Variants in LAMA4 observed in about 807,000 individuals in gnomAD.
LAMA4 encodes laminin subunit alpha-4.
A neutral mutation model predicts 207.1 loss-of-function variants in LAMA4; 127 were observed. That is an observed-to-expected ratio of 0.61 (90% CI 0.53 to 0.71). LAMA4 has a LOEUF of 0.71. Ranked by LOEUF, LAMA4 falls within the 30% of genes least tolerant of loss-of-function variation. The pLI is 0.00. For synonymous variants in LAMA4, 761 were observed against 816.0 expected, an observed-to-expected ratio of 0.93 and a Z score of 1.15; for missense variants, 2,093 against 2,246.5, an observed-to-expected ratio of 0.93 and a Z score of 1.38.
chr6:112,220,255 T>C lies in LAMA4; in HGVS notation c.196-3786A>G, dbSNP rs57489045. ...TTACAGCTCTTTATTATTAAGAGACTCCTATTATCACAGCTTGCCTCCTGC... is the reference window on the plus strand; with the variant it reads ...TTACAGCTCTTTATTATTAAGAGACCCCTATTATCACAGCTTGCCTCCTGC... On this transcript the variant is annotated intron_variant, in intron 2 of 38. Transcript: ENST00000230538. 7.8e-3 allele frequency among the ~76,000 whole-genome samples: 1,185 copies of C among 152,300 alleles called. 23 individuals are homozygous for C. The highest frequency in any genetic ancestry group is 0.026 in the African/African-American group (1,101 of 41,576).
Position 112,114,110 on chromosome 6 carries a change from A to T in LAMA4, c.5292T>A (p.Asp1764Glu). 6.2e-7 allele frequency: 1 copy of T among 1,613,974 alleles called. No individual in the cohort carries two copies. Among genetic ancestry groups the T allele is most frequent in the Non-Finnish European group, 8.5e-7 (1 of 1,179,876 alleles). ...VVGPLNPKPI[D>E]HREPVFVGGV... The stretch of plus-strand genomic sequence containing the variant: ...CTCCAACAAACACAGGCTCCCTGTG[A>T]TCAATTGGTTTTGGATTCAGGGGTC... Residue 1764 changes from aspartate (D) to glutamate (E), a missense_variant, in exon 38 of 39, where the codon GAT becomes GAA. This residue lies in a region of LAMA4 where 383 missense variants were observed against 437.8 expected (regional missense o/e 0.87). Transcript: ENST00000230538.
At position 112,131,913 on chromosome 6, in the gene LAMA4, C is replaced by A. The variant is rs188151391; in HGVS notation, c.3835-812G>T. Among the ~76,000 whole-genome samples, 7 of 152,244 alleles carry A rather than the reference C, an allele frequency of 4.6e-5. No individual in the cohort carries two copies. The East Asian group carries it at 1.4e-3, about 29-fold the overall frequency. The stretch of plus-strand genomic sequence containing the variant: ...CTTTTCAGAGACCCATCAGTTGGAT[C>A]TTACAGTCACCAATCCTCTACAGAC... On this transcript the variant is annotated intron_variant, in intron 28 of 38. Transcript: ENST00000230538.
At chr6:112,130,182 A>C (rs1778946386) in intron 29 of LAMA4, 142 bp from the exon 30 acceptor site, 1 of 704,456 alleles carries the variant, frequency 1.4e-6, no homozygotes, top group Non-Finnish European at 2.5e-6. Context: ...CAAACTCTTC[A>C]TGAGGCCCAG....
At chr6:112,148,440 G>T in intron 17 of LAMA4, 104 bp from the exon 18 acceptor site, 1 of 1,261,470 alleles carries the variant, frequency 7.9e-7, no homozygotes, top group Admixed American at 2.0e-5. Flanking sequence ...CTCACATTTT[G>T]GGCTCTTAAG....
chr6:112,164,425 C>T (rs1294363905), intron 13 of LAMA4, among the ~76,000 whole-genome samples: 1 of 151,868 alleles, frequency 6.6e-6, no homozygotes, highest in Admixed American at 6.6e-5. Flanking sequence ...TGGGTATGGC[C>T]ATAGGTGGGA....
chr6:112,178,330 G>T (rs1782144510), intron 9 of LAMA4, 98 bp from the exon 10 acceptor site: 1 of 826,982 alleles, frequency 1.2e-6, no homozygotes, highest in East Asian at 2.6e-5. Context: ...TTTCCTAAAC[G>T]TAAATCTTCC....
intron 30 of LAMA4, among the ~76,000 whole-genome samples, chr6:112,129,580 A>G (rs1457792782): frequency 1.3e-5 from 2 of 152,136 alleles, no homozygotes; most frequent in Admixed American, 6.5e-5. Context: ...AAGTTGCTTT[A>G]TGTGCATTAT....
In LAMA4 at chr6:112,155,316, T is replaced by TC. The variant is rs1439594170; in HGVS notation, c.1959+248dup. 10 of 572,388 alleles carry TC rather than the reference T, an allele frequency of 1.7e-5. No homozygotes were observed. The African/African-American group carries it at 1.9e-4, about 11-fold the overall frequency. The allele number at this position is 572,388 out of a possible 1,614,324, so 35.5% of individuals were successfully genotyped here. On this transcript the variant is annotated intron_variant, in intron 15 of 38. Transcript: ENST00000230538. ...TAATTTTAAATACATATTTTTTTTT[T>TC]CAGGGACTTTGGCTAAAAAAATAAA...
rs562879510 is a variant in LAMA4, at chr6:112,150,550, G to A, written c.2134C>T (p.Leu712Phe). Reference protein sequence around the residue: ...LARKSALKTRLSDAVKQLQAA... With the variant: ...LARKSALKTRFSDAVKQLQAA... ...TGTAGTTGCTTAACGGCATCACTGA[G>A]TCTGGTTTTAAGGGCACTTTTCCTT... Residue 712 changes from leucine to phenylalanine, a missense_variant, in exon 17 of 39, where the codon CTC becomes TTC. Transcript: ENST00000230538. 3.7e-6 allele frequency: 6 copies of A among 1,613,762 alleles called. No individual in the cohort carries two copies. In the South Asian group the frequency reaches 4.4e-5, roughly 12 times the overall value.
At chr6:112,204,438 C>A (rs1783933928) in intron 4 of LAMA4, among the ~76,000 whole-genome samples, 1 of 151,090 alleles carries the variant, frequency 6.6e-6, no homozygotes. Flanking sequence ...TAGAAAGAAC[C>A]ATCTGAGATT....
At position 112,190,932 on chromosome 6, in the gene LAMA4, TTTCTTTCTTTCTTTCC is replaced by T. The variant is rs1403098811; in HGVS notation, c.718+688_718+703del. On this transcript the variant is annotated intron_variant, in intron 6 of 38. Transcript: ENST00000230538. ...CTTTCTTTCTTTCTTTCTTTCTTTC[TTTCTTTCTTTCTTTCC>T]TTTCTTTCTTTCTTTCTTTCTTTCT... Among the ~76,000 whole-genome samples, 223 of 88,786 alleles carry T rather than the reference TTTCTTTCTTTCTTTCC, an allele frequency of 2.5e-3. 3 individuals are homozygous for T. The highest frequency in any genetic ancestry group is 0.016 in the South Asian group (35 of 2,168). 58.2% of individuals were successfully genotyped at this position (88,786 alleles called of 152,430 possible).
At chr6:112,144,461 T>G (rs1467320070) in intron 19 of LAMA4, among the ~76,000 whole-genome samples, 1 of 152,214 alleles carries the variant, frequency 6.6e-6, no homozygotes, top group African/African-American at 2.4e-5. Flanking sequence ...TTATTGAGGC[T>G]TTACTTCTTT....
chr6:112,164,022 C>G (rs552775718), intron 13 of LAMA4: 7 of 152,110 alleles, frequency 4.6e-5, no homozygotes, highest in Non-Finnish European at 1.0e-4. Flanking sequence ...GTTCTCTTCT[C>G]TTTGTTTCTA....
chr6:112,191,562 T>C (rs1202150315), intron 6 of LAMA4, 74 bp downstream of exon 6: 1 of 1,105,840 alleles, frequency 9.0e-7, no homozygotes, highest in East Asian at 2.4e-5. Context: ...CCAAGAGAAA[T>C]TCTTCATCTA....
intron 6 of LAMA4, among the ~76,000 whole-genome samples, chr6:112,190,939 CTTTCTTTCCTTTCTTT>C (rs1442844702): frequency 0.023 from 1,020 of 45,258 alleles, 5 homozygotes; most frequent in East Asian, 0.071. Context: ...TTCTTTCTTT[CTTTCTTTCCTTTCTTT>C]CTTTCTTTCT....
chr6:112,204,824 C>T (rs3777926), intron 4 of LAMA4, among the ~76,000 whole-genome samples: 10,215 of 152,210 alleles, frequency 0.067, 458 homozygotes, highest in South Asian at 0.11. Context: ...GTTATTAATA[C>T]TATCATACAT....
intron 16 of LAMA4, among the ~76,000 whole-genome samples, chr6:112,153,213 T>C (rs1214102518): frequency 6.6e-6 from 1 of 152,042 alleles, no homozygotes; most frequent in Non-Finnish European, 1.5e-5. Flanking sequence ...TGAAAGGAAT[T>C]TGGAATGGAG....
At chr6:112,234,795 A>G (rs1254834083) in intron 2 of LAMA4, 8 of 152,352 alleles carry the variant, frequency 5.3e-5, no homozygotes, top group African/African-American at 1.9e-4. Flanking sequence ...CATAGGGCAC[A>G]GGAAAAATGT....
chr6:112,246,636 C>T (rs1334518707), intron 2 of LAMA4, among the ~76,000 whole-genome samples: 6 of 151,474 alleles, frequency 4.0e-5, no homozygotes, highest in African/African-American at 1.5e-4. Flanking sequence ...TTCTCTGCTT[C>T]AGCCTCCCAA....
Sources: gnomAD v4.1 joint callset for allele counts (sites outside exome capture counted in the v4.1 genomes callset) on GRCh38, gnomAD v4.1.1 for gene constraint, gnomAD v4.1.1 regional missense constraint, MANE v1.5 for transcripts, NCBI Gene and HGNC (gene_info 2026-07-23, HGNC 2026-07-21) for gene names.